Variants in ANK3 observed in about 807,000 individuals in gnomAD.
ANK3 encodes the protein ankyrin 3.
ANK3 carries 57 observed loss-of-function variants against 370.9 expected under a neutral mutation model. The ratio of observed to expected loss-of-function variants is 0.15; its 90% confidence interval spans 0.12 to 0.19. The LOEUF (loss-of-function observed/expected upper bound fraction) is 0.19. Among genes scored for constraint, ANK3 ranks in the 10% least tolerant of loss-of-function variants. The pLI, the probability that ANK3 is intolerant of heterozygous loss-of-function variation, is 1.00. For synonymous variants in ANK3, 1,929 were observed against 1,946.3 expected (o/e 0.99, Z 0.23); for missense variants, 4,439 against 5,302.1 (o/e 0.84, Z 5.06).
chr10:60,654,278 T>C (rs1222500001), intron 1 of ANK3, among the ~76,000 whole-genome samples: 2 of 152,234 alleles, frequency 1.3e-5, no homozygotes, highest in African/African-American at 4.8e-5. Context: ...GTTTTACTTC[T>C]TTCCAATTTG....
At position 60,086,795 on chromosome 10, in the gene ANK3, C is replaced by G. The variant is rs372847533; in HGVS notation, c.3630G>C (p.Arg1210=). 1 of 1,613,902 alleles carries G rather than the reference C, an allele frequency of 6.2e-7. No homozygotes were observed. Among genetic ancestry groups the G allele is most frequent in the African/African-American group, 1.3e-5 (1 of 74,880 alleles). The stretch of plus-strand genomic sequence containing the variant: ...TCATTGTGATTGGTTTATGGAATTT[C>G]CGTCTTCTTGGTTCCACAGTGACAA... The part of the protein sequence containing the change: ...SPIVTVEPRR[R]KFHKPITMTI... Residue 1210 remains arginine (R), a synonymous_variant, in exon 30 of 44, where the codon CGG becomes CGC. Transcript: ENST00000280772.
intron 28 of ANK3, among the ~76,000 whole-genome samples, chr10:60,102,952 C>A (rs1195372635): frequency 6.6e-6 from 1 of 151,606 alleles, no homozygotes; most frequent in Admixed American, 6.6e-5. Flanking sequence ...AATGGTAAGA[C>A]AATTTATTTT....
chr10:60,037,874 C>T (rs77532395), intron 43 of ANK3, among the ~76,000 whole-genome samples: 8,627 of 152,236 alleles, frequency 0.057, 849 homozygotes, highest in African/African-American at 0.2. Context: ...TGCCACACCA[C>T]TTTCCATAAT....
At chr10:60,658,912 A>AAAGG (rs2078901348) in intron 1 of ANK3, among the ~76,000 whole-genome samples, 2 of 147,112 alleles carry the variant, frequency 1.4e-5, no homozygotes, top group Non-Finnish European at 3.0e-5. Flanking sequence ...GAAAGGAAAG[A>AAAGG]AAAGGAAAGG....
chr10:60,339,150 C>T (rs570625071), intron 1 of ANK3, among the ~76,000 whole-genome samples: 1 of 151,996 alleles, frequency 6.6e-6, no homozygotes, highest in Admixed American at 6.6e-5. Context: ...TTAAGTGGTA[C>T]ATTTTGAAAT....
At chr10:60,516,518 T>C (rs1049585058) in intron 2 of ANK3, among the ~76,000 whole-genome samples, 1 of 152,136 alleles carries the variant, frequency 6.6e-6, no homozygotes, top group Non-Finnish European at 1.5e-5. Flanking sequence ...GTGTCTAATA[T>C]TTTGAAAGAC....
intron 28 of ANK3, among the ~76,000 whole-genome samples, chr10:60,091,087 T>C (rs2088237825): frequency 1.3e-5 from 2 of 152,220 alleles, no homozygotes; most frequent in African/African-American, 4.8e-5. Flanking sequence ...GTATTTTTAG[T>C]AGAGACAGGG....
intron 1 of ANK3, among the ~76,000 whole-genome samples, chr10:60,725,849 T>C (rs2079933858): frequency 6.6e-6 from 1 of 151,990 alleles, no homozygotes; most frequent in African/African-American, 2.4e-5. Context: ...GCTTGGAAAA[T>C]GAAATTTTCC....
intron 2 of ANK3, among the ~76,000 whole-genome samples, chr10:60,401,553 ATGTTTATATG>A (rs774098679): frequency 8.2e-4 from 125 of 152,308 alleles, no homozygotes; most frequent in Admixed American, 2.2e-3. Flanking sequence ...GCATCTCTTT[ATGTTTATATG>A]TATTTAAATG....
intron 2 of ANK3, among the ~76,000 whole-genome samples, chr10:60,572,295 TTCC>T (rs2077620128): frequency 6.6e-6 from 1 of 152,208 alleles, no homozygotes; most frequent in Non-Finnish European, 1.5e-5. Flanking sequence ...TGTGATGATT[TTCC>T]TCCAAGACAG....
chr10:60,528,115 CTTT>C (rs2076517223), intron 2 of ANK3, among the ~76,000 whole-genome samples: 2 of 142,892 alleles, frequency 1.4e-5, no homozygotes, highest in Non-Finnish European at 3.1e-5. Context: ...AATGTTTTTT[CTTT>C]TTTTCTTTTC....
intron 2 of ANK3, among the ~76,000 whole-genome samples, chr10:60,405,284 G>A (rs1286245613): frequency 6.6e-6 from 1 of 152,122 alleles, no homozygotes; most frequent in East Asian, 1.9e-4. Context: ...TAATTAACAA[G>A]TGAATGGATA....
At chr10:60,111,903 G>A in intron 26 of ANK3, 1 of 396,320 alleles carries the variant, frequency 2.5e-6, no homozygotes, top group Non-Finnish European at 4.9e-6. Context: ...GCATTTGTGG[G>A]ACAACCTAGA....
chr10:60,655,597 A>T (rs1179348443), intron 1 of ANK3, among the ~76,000 whole-genome samples: 1 of 152,082 alleles, frequency 6.6e-6, no homozygotes, highest in African/African-American at 2.4e-5. Context: ...TAAAAAGTTT[A>T]TAAAGTGAAA....
intron 2 of ANK3, among the ~76,000 whole-genome samples, chr10:60,479,093 C>A (rs1421713837): frequency 6.6e-6 from 1 of 152,034 alleles, no homozygotes; most frequent in Non-Finnish European, 1.5e-5. Context: ...CAATATTTAA[C>A]AAGCTGAACT....
intron 2 of ANK3, among the ~76,000 whole-genome samples, chr10:60,422,113 G>T (rs1363927356): frequency 6.6e-6 from 1 of 152,028 alleles, no homozygotes; most frequent in Non-Finnish European, 1.5e-5. Flanking sequence ...TTCTTTGCTT[G>T]CAGTAGTTTT....
At chr10:60,644,673 T>A (rs10821814) in intron 1 of ANK3, among the ~76,000 whole-genome samples, 16,989 of 152,036 alleles carry the variant, frequency 0.11, 1,421 homozygotes, top group East Asian at 0.27. Flanking sequence ...ACACTGATCC[T>A]CTTCAACCTC....
rs923381601 is a variant in ANK3 at position 60,389,655 on chromosome 10, C to T, written c.-117G>A. ...CCAATCACTAGAGAGAAAGCTTTGA[C>T]TAGAAGCAGGAAGATATTCACAATG... On this transcript the variant is annotated 5_prime_UTR_variant, in exon 1 of 44. Transcript: ENST00000280772. The T allele has an allele frequency of 1.5e-5, 23 of 1,496,954 alleles. No homozygotes were observed. The African/African-American group carries it at 2.3e-4, about 15-fold the overall frequency. The allele number at this position is 1,496,954 out of a possible 1,614,324, so 92.7% of individuals were successfully genotyped here.
chr10:60,354,532 AATAACCAAACCAGTGTTGT>A (rs2057429126), intron 1 of ANK3, among the ~76,000 whole-genome samples: 1 of 152,348 alleles, frequency 6.6e-6, no homozygotes, highest in South Asian at 2.1e-4. Flanking sequence ...CTTAATGAAA[AATAACCAAACCAGTGTTGT>A]TTTTTAATAA....
Sources: allele counts gnomAD v4.1 joint callset (sites outside exome capture counted in the v4.1 genomes callset), GRCh38; gene constraint gnomAD v4.1.1; transcripts MANE v1.5; gene names NCBI Gene and HGNC (gene_info 2026-07-23, HGNC 2026-07-21).